Variants in MAP4 observed in about 807,000 individuals in gnomAD.
MAP4 encodes microtubule-associated protein 4.
MAP4 carries 76 observed loss-of-function variants against 170.2 expected under a neutral mutation model. The ratio of observed to expected loss-of-function variants is 0.45; its 90% confidence interval spans 0.37 to 0.54. The LOEUF (loss-of-function observed/expected upper bound fraction) is 0.54. Ranked by LOEUF, MAP4 falls within the 20% of genes least tolerant of loss-of-function variation. MAP4 has a pLI of 0.00. For missense variants in MAP4, 2,506 were observed against 2,748.0 expected (o/e 0.91, Z 1.97); for synonymous variants, 909 against 994.5 (o/e 0.91, Z 1.62).
At chr3:47,879,537 T>C (rs186895454) in intron 10 of MAP4, among the ~76,000 whole-genome samples, 7 of 152,248 alleles carry the variant, frequency 4.6e-5, no homozygotes, top group Non-Finnish European at 1.0e-4. Context: ...CCTACGTAAA[T>C]ACAGTATACT....
intron 2 of MAP4, among the ~76,000 whole-genome samples, chr3:47,991,379 G>C (rs1289529130): frequency 6.6e-6 from 1 of 152,112 alleles, no homozygotes; most frequent in Admixed American, 6.6e-5. Flanking sequence ...AGAACATATC[G>C]AGAGCACTAG....
At chr3:47,891,417 C>A (rs1279555670) in intron 10 of MAP4, 2 of 1,535,752 alleles carry the variant, frequency 1.3e-6, no homozygotes, top group East Asian at 4.9e-5. Flanking sequence ...TCCTCACCCA[C>A]AGTCATGGAG....
intron 3 of MAP4, among the ~76,000 whole-genome samples, chr3:47,958,305 G>C (rs1425039937): frequency 6.6e-6 from 1 of 152,152 alleles, no homozygotes; most frequent in African/African-American, 2.4e-5. Context: ...ATTTCACCAG[G>C]TAAAGAACCT....
At chr3:47,950,338 G>A (rs139697772) in intron 3 of MAP4, among the ~76,000 whole-genome samples, 13 of 152,284 alleles carry the variant, frequency 8.5e-5, no homozygotes, top group Non-Finnish European at 1.5e-4. Context: ...TGATCTCAGA[G>A]GACGGACTTA....
intron 1 of MAP4, among the ~76,000 whole-genome samples, chr3:48,077,460 A>G (rs1358652978): frequency 6.6e-6 from 1 of 150,764 alleles, no homozygotes; most frequent in African/African-American, 2.4e-5. Flanking sequence ...AAAAAAAAAA[A>G]GAAAGAAAGA....
At chr3:48,077,837 G>C (rs1380527773) in intron 1 of MAP4, among the ~76,000 whole-genome samples, 1 of 152,116 alleles carries the variant, frequency 6.6e-6, no homozygotes, top group African/African-American at 2.4e-5. Flanking sequence ...TCCATGTAAT[G>C]TAATATTATT....
chr3:47,890,929 T>C, intron 10 of MAP4: 1 of 1,073,378 alleles, frequency 9.3e-7, no homozygotes, highest in Non-Finnish European at 1.3e-6. Flanking sequence ...AACCCAGCTG[T>C]AAAAAGCTGC....
At position 48,078,311 on chromosome 3, in the gene MAP4, A is replaced by ATTTT. The variant is rs758589017; in HGVS notation, c.-20+10458_-20+10461dup. Reference sequence around the variant, plus strand: ...AGGTGTGCACCACCATGCCTGGCTAATTTTTTTTTTTTTTTTTTTTTTGGT... The same window carrying ATTTT: ...AGGTGTGCACCACCATGCCTGGCTAATTTTTTTTTTTTTTTTTTTTTTTTTTGGT... On this transcript the variant is annotated intron_variant, in intron 1 of 18. Coordinates refer to the MAP4 transcript ENST00000360240. Among the ~76,000 whole-genome samples, 5 of 125,236 alleles carry ATTTT rather than the reference A, an allele frequency of 4.0e-5. No homozygotes were observed. The East Asian group carries it at 6.7e-4, about 17-fold the overall frequency. 82.2% of individuals were successfully genotyped at this position (125,236 alleles called of 152,430 possible).
intron 2 of MAP4, among the ~76,000 whole-genome samples, chr3:47,994,826 T>C (rs994316228): frequency 3.9e-5 from 6 of 152,020 alleles, no homozygotes; most frequent in African/African-American, 1.2e-4. Flanking sequence ...GGTGCAGGCC[T>C]GTAATCCCAG....
intron 5 of MAP4, among the ~76,000 whole-genome samples, chr3:47,919,599 C>T (rs1011655622): frequency 1.1e-4 from 16 of 152,186 alleles, no homozygotes; most frequent in African/African-American, 2.9e-4. Flanking sequence ...TGAGACACCG[C>T]GCCCGGCCGA....
chr3:47,926,287 G>C (rs201297487), intron 4 of MAP4, among the ~76,000 whole-genome samples: 2 of 151,918 alleles, frequency 1.3e-5, no homozygotes, highest in Admixed American at 6.6e-5. Flanking sequence ...GGGCTCAAAC[G>C]ATCCTCCAAC....
intron 10 of MAP4, among the ~76,000 whole-genome samples, chr3:47,882,626 G>C (rs1269569516): frequency 6.6e-6 from 1 of 152,066 alleles, no homozygotes; most frequent in Non-Finnish European, 1.5e-5. Flanking sequence ...TTCCTCTAGA[G>C]ATGGGGTCTC....
chr3:47,935,664 T>G (rs946505093), intron 3 of MAP4, among the ~76,000 whole-genome samples: 3 of 151,962 alleles, frequency 2.0e-5, no homozygotes, highest in African/African-American at 7.3e-5. Context: ...TGGCCAGGCG[T>G]GGTGGCTCAC....
rs9864270 is a variant in MAP4 at position 48,082,383 on chromosome 3, T to C, written c.-20+6390A>G. On this transcript the variant is annotated intron_variant, in intron 1 of 18. Coordinates refer to the MAP4 transcript ENST00000360240. Reference sequence around the variant, plus strand: ...TCTTTGATACTCCTCCCTTCAGGGGTTGGAGCTTAATTCCCTTCCCCCAGA... The same window carrying C: ...TCTTTGATACTCCTCCCTTCAGGGGCTGGAGCTTAATTCCCTTCCCCCAGA... Among the ~76,000 whole-genome samples the C allele has an allele frequency of 2.0e-3, 304 of 152,286 alleles. 1 individual carries two copies. Among genetic ancestry groups the C allele is most frequent in the African/African-American group, 7.0e-3 (293 of 41,566 alleles).
At chr3:47,857,406 A>C (rs1214485594) in intron 18 of MAP4, 25 bp downstream of exon 18, 1 of 1,602,858 alleles carries the variant, frequency 6.2e-7, no homozygotes, top group East Asian at 2.2e-5. Flanking sequence ...CTGGAGACCC[A>C]GTGGGCAAGG....
chr3:47,889,281 A>C (rs887692890), intron 10 of MAP4, among the ~76,000 whole-genome samples: 1 of 152,242 alleles, frequency 6.6e-6, no homozygotes, highest in South Asian at 2.1e-4. Context: ...TGAGCTGTCT[A>C]GGCTTCATAT....
At chr3:47,951,356 G>C in intron 3 of MAP4, among the ~76,000 whole-genome samples, 1 of 151,208 alleles carries the variant, frequency 6.6e-6, no homozygotes, top group East Asian at 1.9e-4. Context: ...CTCTCCCCAC[G>C]GTCTCCCTCT....
At chr3:47,905,128 C>T (rs1365329790) in intron 9 of MAP4, among the ~76,000 whole-genome samples, 2 of 152,118 alleles carry the variant, frequency 1.3e-5, no homozygotes, top group Admixed American at 6.6e-5. Context: ...AAGATAAACA[C>T]CAGTGATGGA....
chr3:47,909,345 G>T lies in MAP4; in HGVS notation c.5076C>A (p.Ile1692=). 6.2e-7 allele frequency: 1 copy of T among 1,613,938 alleles called. No individual in the cohort carries two copies. The highest frequency in any genetic ancestry group is 2.2e-5 in the East Asian group (1 of 44,888). Reference sequence around the variant, plus strand: ...CTTTGCTATGTAAGAAATCTGACTGGATTTCTGGTGTTGGCAAGGAAACGC... The same window carrying T: ...CTTTGCTATGTAAGAAATCTGACTGTATTTCTGGTGTTGGCAAGGAAACGC... The part of the protein sequence containing the change: ...LESVSLPTPE[I]QSDFLHSKVE... The change falls in exon 9 of 21, where the codon ATC becomes ATA. Residue 1692 remains isoleucine, a synonymous_variant. Coordinates refer to ENST00000683076, the MANE Select transcript of MAP4 (RefSeq NM_001385682.1).
Sources: gnomAD v4.1 joint callset for allele counts (sites outside exome capture counted in the v4.1 genomes callset) on GRCh38, gnomAD v4.1.1 for gene constraint, MANE v1.5 for transcripts, NCBI Gene and HGNC (gene_info 2026-07-23, HGNC 2026-07-21) for gene names.